EHBP1: variants seen among roughly 807,000 people sequenced by gnomAD.
The protein encoded by EHBP1 is EH domain binding protein 1.
EHBP1 carries 55 observed loss-of-function variants against 144.0 expected under a neutral mutation model. The observed-to-expected ratio is 0.38, with a 90% CI of 0.31 to 0.48. The LOEUF (loss-of-function observed/expected upper bound fraction) is 0.48, where lower values mean the gene tolerates loss of function less well. Among genes scored for constraint, EHBP1 ranks in the 20% least tolerant of loss-of-function variants. EHBP1 has a pLI of 0.98. For missense variants in EHBP1, 1,200 were observed against 1,364.2 expected, an observed-to-expected ratio of 0.88 and a Z score of 1.90; for synonymous variants, 469 against 472.7, an observed-to-expected ratio of 0.99 and a Z score of 0.10.
intron 10 of EHBP1, among the ~76,000 whole-genome samples, chr2:62,921,061 T>C (rs986168037): frequency 1.3e-5 from 2 of 152,190 alleles, no homozygotes; most frequent in Non-Finnish European, 2.9e-5. Flanking sequence ...TAAAAGGTTA[T>C]TGATGGAGCT....
chr2:62,970,725 C>G (rs1316676593), intron 14 of EHBP1, among the ~76,000 whole-genome samples: 1 of 152,072 alleles, frequency 6.6e-6, no homozygotes, highest in Non-Finnish European at 1.5e-5. Context: ...GCTGAAAGAA[C>G]AATTGAATAA....
At chr2:62,701,546 T>G (rs1372259478), upstream of EHBP1, among the ~76,000 whole-genome samples, 3 of 152,190 alleles carry the variant, frequency 2.0e-5, no homozygotes, top group African/African-American at 7.2e-5. Context: ...TTTTTCTACA[T>G]TCTGTTATAT....
rs193237375 is a variant in EHBP1 at position 62,746,950 on chromosome 2, A to C, written c.105-445A>C. 2.0e-3 allele frequency among the ~76,000 whole-genome samples: 308 copies of C among 152,186 alleles called. No individual in the cohort carries two copies. In the Middle Eastern group the frequency reaches 0.027, roughly 13 times the overall value. On this transcript the variant is annotated intron_variant, in intron 2 of 22. Coordinates refer to ENST00000431489, the MANE Select transcript of EHBP1 (RefSeq NM_001142616.3). Reference sequence around the variant, plus strand: ...GATTGGCTATAATAATGTTTTAAAAACCACAAGCATTGTTCATGAGATACA... The same window carrying C: ...GATTGGCTATAATAATGTTTTAAAACCCACAAGCATTGTTCATGAGATACA...
intron 5 of EHBP1, among the ~76,000 whole-genome samples, chr2:62,811,730 A>C (rs1162185090): frequency 1.3e-5 from 2 of 152,286 alleles, no homozygotes; most frequent in Non-Finnish European, 2.9e-5. Context: ...GGATTAAAAA[A>C]CTTCTAAGGT....
intron 1 of EHBP1, among the ~76,000 whole-genome samples, chr2:62,682,347 G>A (rs2033561160): frequency 6.6e-6 from 1 of 152,230 alleles, no homozygotes; most frequent in Non-Finnish European, 1.5e-5. Context: ...TTTAAGTGGT[G>A]ATCGTTGTCA....
intron 5 of EHBP1, among the ~76,000 whole-genome samples, chr2:62,772,937 G>A (rs2041779456): frequency 6.6e-6 from 1 of 152,130 alleles, no homozygotes; most frequent in Non-Finnish European, 1.5e-5. Context: ...GTCCATTATA[G>A]ATTTACTTTC....
At chr2:62,841,003 G>T (rs1212745111) in intron 7 of EHBP1, among the ~76,000 whole-genome samples, 79 of 152,180 alleles carry the variant, frequency 5.2e-4, no homozygotes, top group Middle Eastern at 3.4e-3. Flanking sequence ...TATACCCAAA[G>T]GACTATAAAT....
At chr2:62,720,363 C>T (rs2036109356) in intron 2 of EHBP1, among the ~76,000 whole-genome samples, 1 of 152,156 alleles carries the variant, frequency 6.6e-6, no homozygotes, top group Non-Finnish European at 1.5e-5. Flanking sequence ...ATTAGCCTTC[C>T]TTTAAATATG....
intron 13 of EHBP1, among the ~76,000 whole-genome samples, chr2:62,952,139 G>A (rs2057425561): frequency 6.6e-6 from 1 of 152,154 alleles, no homozygotes; most frequent in African/African-American, 2.4e-5. Flanking sequence ...CTCCATGTAT[G>A]TTTTCTCTTT....
chr2:62,903,340 A>G (rs2053556601), intron 10 of EHBP1, among the ~76,000 whole-genome samples: 1 of 152,238 alleles, frequency 6.6e-6, no homozygotes, highest in Non-Finnish European at 1.5e-5. Flanking sequence ...GTTAACTCCT[A>G]TAATGCCTAT....
At chr2:62,726,337 C>A (rs2036786706) in intron 2 of EHBP1, among the ~76,000 whole-genome samples, 1 of 152,348 alleles carries the variant, frequency 6.6e-6, no homozygotes, top group East Asian at 1.9e-4. Context: ...GTTCAACTCA[C>A]CCAGTCTCCT....
intron 16 of EHBP1, 135 bp from the exon 17 acceptor site, chr2:62,993,395 A>G: frequency 2.9e-6 from 2 of 700,362 alleles, no homozygotes; most frequent in Non-Finnish European, 4.2e-6. Context: ...AGCTCTTTAA[A>G]GTGCTTTAAA....
chr2:62,797,089 A>T (rs533719853), intron 5 of EHBP1, among the ~76,000 whole-genome samples: 11 of 152,312 alleles, frequency 7.2e-5, no homozygotes, highest in African/African-American at 2.4e-4. Context: ...TTTTTGTCCT[A>T]TCCTGTGAAC....
intron 3 of EHBP1, among the ~76,000 whole-genome samples, chr2:62,755,938 A>G (rs2040237777): frequency 6.6e-6 from 1 of 152,076 alleles, no homozygotes; most frequent in Admixed American, 6.5e-5. Context: ...TGTCTAAGAG[A>G]AAATGAGAAA....
intron 2 of EHBP1, among the ~76,000 whole-genome samples, chr2:62,708,394 A>T (rs1294257290): frequency 2.0e-5 from 3 of 152,216 alleles, no homozygotes; most frequent in Admixed American, 2.0e-4. Context: ...CAGTATAAGG[A>T]GAGTCACATG....
intron 10 of EHBP1, chr2:62,940,347 G>C (rs1277970733): frequency 5.2e-6 from 1 of 193,268 alleles, no homozygotes; most frequent in Admixed American, 5.4e-5. Context: ...AGGTCAGTAT[G>C]GTTCAAAGTG....
rs765750296 is a variant in EHBP1 at position 62,942,216 on chromosome 2, A to G, written c.1186-502A>G. Among the ~76,000 whole-genome samples the G allele has an allele frequency of 3.6e-4, 55 of 152,278 alleles. 1 individual carries two copies. The highest frequency in any genetic ancestry group is 2.3e-3 in the South Asian group (11 of 4,824). ...AGAAGCATGTTTGAATATGGTTATC[A>G]TTGTGCTATTTACTTAAAATGCATA... On this transcript the variant is annotated intron_variant, in intron 10 of 22. Coordinates refer to ENST00000431489, the MANE Select transcript of EHBP1 (RefSeq NM_001142616.3).
chr2:62,682,420 A>G (rs1364378953), intron 1 of EHBP1, among the ~76,000 whole-genome samples: 1 of 152,154 alleles, frequency 6.6e-6, no homozygotes, highest in African/African-American at 2.4e-5. Flanking sequence ...CTTTGGATTA[A>G]TAGTCATATT....
upstream of EHBP1, among the ~76,000 whole-genome samples, chr2:62,702,755 T>C (rs2034316156): frequency 6.6e-6 from 1 of 152,212 alleles, no homozygotes. Context: ...GTCTGTTTTG[T>C]TCTTTTCTGT....
Sources: gnomAD v4.1 joint callset for allele counts (sites outside exome capture counted in the v4.1 genomes callset) on GRCh38, gnomAD v4.1.1 for gene constraint, MANE v1.5 for transcripts, NCBI Gene and HGNC (gene_info 2026-07-23, HGNC 2026-07-21) for gene names.